OIT3: variants seen among roughly 807,000 people sequenced by gnomAD.
The protein encoded by OIT3 is oncoprotein induced transcript 3.
In OIT3, 41 loss-of-function variants were observed where a neutral mutation model predicts 52.2. That is an observed-to-expected ratio of 0.79 (90% CI 0.61 to 1.02). The LOEUF (loss-of-function observed/expected upper bound fraction) is 1.02. OIT3 is among the 50% of genes least tolerant of loss of function. The pLI, the probability that OIT3 is intolerant of heterozygous loss-of-function variation, is 0.00. For synonymous variants in OIT3, 244 were observed against 276.9 expected (o/e 0.88, Z 1.18); for missense variants, 634 against 715.5 (o/e 0.89, Z 1.30).
chr10:72,912,034 A>T (rs1174392454), intron 5 of OIT3, among the ~76,000 whole-genome samples, 195 bp downstream of exon 5: 1 of 152,086 alleles, frequency 6.6e-6, no homozygotes, highest in Admixed American at 6.6e-5. Flanking sequence ...ATTACCAAAA[A>T]CTTAACTTTC....
intron 3 of OIT3, among the ~76,000 whole-genome samples, chr10:72,900,824 T>C (rs1430374138): frequency 6.6e-6 from 1 of 152,096 alleles, no homozygotes; most frequent in Non-Finnish European, 1.5e-5. Flanking sequence ...TCCCAGCACT[T>C]TGGGAGGCTG....
Position 72,932,981 on chromosome 10 carries a change from CTAAT to C in OIT3, c.*460_*463del, listed in dbSNP as rs1332015591. On this transcript the variant is annotated 3_prime_UTR_variant, in exon 9 of 9. Coordinates refer to ENST00000334011, the MANE Select transcript of OIT3 (RefSeq NM_152635.3). ...CTTGAAATTTCAATTCAAATGCAGA[CTAAT>C]TATAGGGAATTTGGAAGTGTATCAA... 2 of 154,080 alleles carry C rather than the reference CTAAT, an allele frequency of 1.3e-5. No homozygotes were observed. Among genetic ancestry groups the C allele is most frequent in the African/African-American group, 2.4e-5 (1 of 41,496 alleles). The allele number at this position is 154,080 out of a possible 1,614,324, so 9.5% of individuals were successfully genotyped here.
chr10:72,931,066 T>A (rs558585201), intron 8 of OIT3, among the ~76,000 whole-genome samples: 10 of 152,294 alleles, frequency 6.6e-5, no homozygotes, highest in African/African-American at 2.4e-4. Context: ...CACCATTTTA[T>A]ACATATTAAA....
intron 6 of OIT3, among the ~76,000 whole-genome samples, chr10:72,922,049 T>C (rs1456532280): frequency 1.3e-5 from 2 of 152,144 alleles, no homozygotes; most frequent in Non-Finnish European, 2.9e-5. Flanking sequence ...TGCTGAAGGG[T>C]CCACTGTTAG....
At chr10:72,928,040 A>G (rs1032980486) in intron 7 of OIT3, among the ~76,000 whole-genome samples, 1 of 152,064 alleles carries the variant, frequency 6.6e-6, no homozygotes, top group Non-Finnish European at 1.5e-5. Flanking sequence ...CCTAAAATAA[A>G]CATAGCTCAT....
At chr10:72,926,295 G>A (rs909248337) in intron 7 of OIT3, among the ~76,000 whole-genome samples, 8 of 152,114 alleles carry the variant, frequency 5.3e-5, no homozygotes, top group Non-Finnish European at 8.8e-5. Context: ...AATCTCTTGC[G>A]CAGTGATATT....
At chr10:72,912,153 G>T (rs1367190672) in intron 5 of OIT3, among the ~76,000 whole-genome samples, 2 of 151,852 alleles carry the variant, frequency 1.3e-5, no homozygotes, top group African/African-American at 2.4e-5. Context: ...TTCTAACAGG[G>T]TTGAAACTAA....
rs745764996 is a variant in OIT3, at chr10:72,932,337, C to A, written c.1468-17C>A. On this transcript the variant is annotated splice_polypyrimidine_tract_variant and intron_variant, in intron 8 of 8. Coordinates refer to ENST00000334011, the MANE Select transcript of OIT3 (RefSeq NM_152635.3). Reference sequence around the variant, plus strand: ...AGCAGTTATTGTTTTTATTAACAGTCGTGATCATCTCTTCAGGAAGTGTTT... The same window carrying A: ...AGCAGTTATTGTTTTTATTAACAGTAGTGATCATCTCTTCAGGAAGTGTTT... 2 of 1,612,862 alleles carry A rather than the reference C, an allele frequency of 1.2e-6. No individual in the cohort carries two copies. Among genetic ancestry groups the A allele is most frequent in the Non-Finnish European group, 1.7e-6 (2 of 1,178,904 alleles).
intron 3 of OIT3, among the ~76,000 whole-genome samples, chr10:72,903,275 G>T (rs1845949548): frequency 6.6e-6 from 1 of 151,858 alleles, no homozygotes; most frequent in South Asian, 2.1e-4. Flanking sequence ...GCCCAGGCTG[G>T]AGTGCAATGG....
chr10:72,932,402 CGTT>C lies in OIT3; in HGVS notation c.1517_1519del (p.Arg506_Ser507delinsPro). The C allele has an allele frequency of 1.9e-6, 3 of 1,614,174 alleles. No homozygotes were observed. Among genetic ancestry groups the C allele is most frequent in the Non-Finnish European group, 2.5e-6 (3 of 1,180,002 alleles). On this transcript the variant is annotated inframe_deletion, in exon 9 of 9. Transcript: ENST00000334011. ...TCTTGTCTGTGGAGTGTTGGACGAG[CGTT>C]CCCGCTGTGCCCAGGGTTGCCACCG...
intron 7 of OIT3, among the ~76,000 whole-genome samples, chr10:72,930,277 A>G (rs1300494071): frequency 6.6e-6 from 1 of 152,234 alleles, no homozygotes; most frequent in Non-Finnish European, 1.5e-5. Context: ...ACTTAAACGC[A>G]TTAACTTAAC....
chr10:72,911,614 G>T, intron 4 of OIT3, 103 bp from the exon 5 acceptor site: 1 of 1,231,374 alleles, frequency 8.1e-7, no homozygotes, highest in South Asian at 1.5e-5. Flanking sequence ...TTAGGCACCA[G>T]GGATGCTGCC....
chr10:72,927,440 A>T (rs1846179538), intron 7 of OIT3, among the ~76,000 whole-genome samples: 1 of 152,162 alleles, frequency 6.6e-6, no homozygotes, highest in African/African-American at 2.4e-5. Context: ...ACGCCCAACC[A>T]TATTTACTTT....
intron 2 of OIT3, 113 bp downstream of exon 2, chr10:72,899,151 A>C: frequency 1.1e-6 from 1 of 906,286 alleles, no homozygotes; most frequent in Non-Finnish European, 1.7e-6. Context: ...AATCTGAACA[A>C]CATTGATGTG....
chr10:72,920,922 T>C (rs1222385879), intron 6 of OIT3, among the ~76,000 whole-genome samples: 2 of 152,224 alleles, frequency 1.3e-5, no homozygotes, highest in Non-Finnish European at 2.9e-5. Flanking sequence ...TGGAGACTTC[T>C]GTAGATAATT....
At chr10:72,922,870 G>T (rs879543835) in intron 6 of OIT3, among the ~76,000 whole-genome samples, 8 of 151,898 alleles carry the variant, frequency 5.3e-5, no homozygotes, top group South Asian at 2.1e-4. Flanking sequence ...GGTTTTGGGG[G>T]TTTTTTTCTC....
intron 8 of OIT3, among the ~76,000 whole-genome samples, chr10:72,930,953 T>C (rs1442213570): frequency 6.6e-6 from 1 of 152,206 alleles, no homozygotes; most frequent in Non-Finnish European, 1.5e-5. Flanking sequence ...GTGTGGTGAT[T>C]GGTCAAATGG....
At chr10:72,927,086 T>G (rs978932252) in intron 7 of OIT3, among the ~76,000 whole-genome samples, 2 of 152,222 alleles carry the variant, frequency 1.3e-5, no homozygotes, top group Admixed American at 1.3e-4. Flanking sequence ...CTTGTGAAAC[T>G]TATTTATATA....
intron 6 of OIT3, among the ~76,000 whole-genome samples, chr10:72,920,414 TTG>T (rs1846111858): frequency 6.6e-6 from 1 of 152,240 alleles, no homozygotes; most frequent in Non-Finnish European, 1.5e-5. Context: ...GAATGGTTTT[TTG>T]TGTCTCTGTC....
Sources: allele counts gnomAD v4.1 joint callset (sites outside exome capture counted in the v4.1 genomes callset), GRCh38; gene constraint gnomAD v4.1.1; transcripts MANE v1.5; gene names NCBI Gene and HGNC (gene_info 2026-07-23, HGNC 2026-07-21).